FCHSD2: variants seen among roughly 807,000 people sequenced by gnomAD.
FCHSD2 encodes the protein FCH and double SH3 domains 2.
Under a neutral mutation model 108.1 loss-of-function variants are expected in FCHSD2, and 38 were observed. The ratio of observed to expected loss-of-function variants is 0.35; its 90% confidence interval spans 0.27 to 0.46. The LOEUF (loss-of-function observed/expected upper bound fraction) is 0.46, where lower values mean the gene tolerates loss of function less well. FCHSD2 is among the 20% of genes least tolerant of loss of function. The pLI, the probability that FCHSD2 is intolerant of heterozygous loss-of-function variation, is 1.00. For missense variants in FCHSD2, 751 were observed against 897.8 expected (o/e 0.84, Z 2.09); for synonymous variants, 279 against 314.7 (o/e 0.89, Z 1.20).
intron 8 of FCHSD2, among the ~76,000 whole-genome samples, chr11:72,954,961 T>C (rs1298979820): frequency 6.6e-6 from 1 of 152,218 alleles, no homozygotes; most frequent in Non-Finnish European, 1.5e-5. Context: ...AAGTGCTTTT[T>C]CTACCCTCAC....
At chr11:72,856,488 T>A (rs192587919) in intron 13 of FCHSD2, among the ~76,000 whole-genome samples, 1 of 152,210 alleles carries the variant, frequency 6.6e-6, no homozygotes, top group Non-Finnish European at 1.5e-5. Flanking sequence ...TAAATATGTA[T>A]AAATATTATG....
intron 2 of FCHSD2, among the ~76,000 whole-genome samples, chr11:73,137,841 G>A (rs888514005): frequency 6.6e-6 from 1 of 152,212 alleles, no homozygotes; most frequent in South Asian, 2.1e-4. Flanking sequence ...GGCATGAAAC[G>A]GTAGTAACTA....
rs191732342 is a variant in FCHSD2, at chr11:72,944,935, C to G, written c.706-22985G>C. On this transcript the variant is annotated intron_variant, in intron 8 of 19. Transcript: ENST00000409418. ...CAAATGGAAGAACATTCCATGCTCACGGGTAGGAAGAATCAATATCGTGAA... is the reference window on the plus strand; with the variant it reads ...CAAATGGAAGAACATTCCATGCTCAGGGGTAGGAAGAATCAATATCGTGAA... 4.1e-3 allele frequency among the ~76,000 whole-genome samples: 622 copies of G among 152,160 alleles called. 5 individuals carry two copies. The highest frequency in any genetic ancestry group is 0.014 in the African/African-American group (597 of 41,528).
chr11:73,032,624 G>A (rs1858388483), intron 3 of FCHSD2, among the ~76,000 whole-genome samples: 2 of 151,226 alleles, frequency 1.3e-5, no homozygotes, highest in Admixed American at 1.3e-4. Context: ...AACTCAAGAA[G>A]TCACCATTTG....
chr11:72,928,821 A>G (rs1402025699), intron 8 of FCHSD2, among the ~76,000 whole-genome samples: 2 of 149,240 alleles, frequency 1.3e-5, no homozygotes, highest in East Asian at 3.9e-4. Flanking sequence ...TGCTGCACCC[A>G]GTAACTCGTC....
At chr11:73,018,891 T>C (rs1280513657) in intron 3 of FCHSD2, among the ~76,000 whole-genome samples, 1 of 152,196 alleles carries the variant, frequency 6.6e-6, no homozygotes, top group Non-Finnish European at 1.5e-5. Flanking sequence ...AGAAGTTTAT[T>C]CCATACCTAG....
chr11:73,141,917 A>G lies in FCHSD2; in HGVS notation c.-40T>C. 6.5e-7 allele frequency: 1 copy of G among 1,539,030 alleles called. No individual in the cohort carries two copies. The highest frequency in any genetic ancestry group is 8.7e-7 in the Non-Finnish European group (1 of 1,143,916). ...ATCAATCCTCCCCGACGGCAGCGTT[A>G]GCAAGGACCAGGAGGAGGAGGAGGG... On this transcript the variant is annotated 5_prime_UTR_variant, in exon 1 of 20. Transcript: ENST00000409418.
In FCHSD2 at chr11:72,867,968, A is replaced by C; in HGVS notation, c.1205T>G (p.Val402Gly). The change falls in exon 13 of 20, where the codon GTG (valine) becomes GGG (glycine). Residue 402 changes from valine (V) to glycine (G), a missense_variant. Val to Gly is a moderately radical substitution (Grantham distance 109, BLOSUM62 -3). Transcript: ENST00000409418. ...CATGGCACTCTTTAGCCATGTGTCC[A>C]CAGAAACACCAATCTGCTTTAGCAG... ...LDLLKQIGVSVDTWLKSAMNQ... is the reference protein window; with the variant it reads ...LDLLKQIGVSGDTWLKSAMNQ... The C allele has an allele frequency of 6.3e-7, 1 of 1,589,864 alleles. No individual in the cohort carries two copies.
chr11:72,860,803 G>A (rs1389998340), intron 13 of FCHSD2, among the ~76,000 whole-genome samples: 1 of 151,396 alleles, frequency 6.6e-6, no homozygotes, highest in Non-Finnish European at 1.5e-5. Context: ...GAGTGACAGA[G>A]CAAGACTCTG....
At chr11:72,986,965 T>C (rs1857323635) in intron 6 of FCHSD2, among the ~76,000 whole-genome samples, 1 of 152,226 alleles carries the variant, frequency 6.6e-6, no homozygotes, top group South Asian at 2.1e-4. Context: ...AACTACCATC[T>C]GATAGGCAAC....
chr11:72,967,057 G>A (rs899263656), intron 8 of FCHSD2, among the ~76,000 whole-genome samples: 5 of 152,032 alleles, frequency 3.3e-5, no homozygotes, highest in African/African-American at 9.7e-5. Context: ...AAAATTAGCC[G>A]GGCCTGGTGG....
chr11:73,033,165 G>C (rs766043735), intron 3 of FCHSD2, among the ~76,000 whole-genome samples: 12 of 151,886 alleles, frequency 7.9e-5, no homozygotes, highest in Non-Finnish European at 1.6e-4. Flanking sequence ...GCGGGCACCT[G>C]TAGTTCCAGC....
chr11:72,837,958 A>T lies in FCHSD2; in HGVS notation c.*833T>A, dbSNP rs1284154152. The T allele has an allele frequency of 6.6e-6, 1 of 152,236 alleles. No homozygotes were observed. The highest frequency in any genetic ancestry group is 1.5e-5 in the Non-Finnish European group (1 of 68,044). The allele number at this position is 152,236 out of a possible 1,614,324, so 9.4% of individuals were successfully genotyped here. A position where few individuals can be genotyped will look rare whatever the true frequency, so the allele number is the denominator to read the frequency against. ...GGATTCTAAGGATACTGGTAAGAAG[A>T]GTATATGCTGTAAAAATTAAGATGA... On this transcript the variant is annotated 3_prime_UTR_variant, in exon 20 of 20. Coordinates refer to ENST00000409418, the MANE Select transcript of FCHSD2 (RefSeq NM_014824.3).
At chr11:73,051,918 C>CCA (rs1239671820) in intron 3 of FCHSD2, among the ~76,000 whole-genome samples, 3 of 137,772 alleles carry the variant, frequency 2.2e-5, no homozygotes, top group African/African-American at 8.3e-5. Context: ...CACACACACC[C>CCA]CACACACACT....
chr11:72,912,505 C>A (rs1430123852), intron 9 of FCHSD2, among the ~76,000 whole-genome samples: 1 of 152,072 alleles, frequency 6.6e-6, no homozygotes, highest in Non-Finnish European at 1.5e-5. Flanking sequence ...CTTTTTAATG[C>A]GTTGTTGAAT....
intron 6 of FCHSD2, among the ~76,000 whole-genome samples, chr11:72,985,604 C>T (rs898384): frequency 0.042 from 6,435 of 152,194 alleles, 357 homozygotes; most frequent in African/African-American, 0.13. Flanking sequence ...ATTATTTCCA[C>T]CATTAAAAGT....
chr11:72,853,532 A>G (rs1186812593), intron 13 of FCHSD2, among the ~76,000 whole-genome samples: 1 of 152,146 alleles, frequency 6.6e-6, no homozygotes, highest in Non-Finnish European at 1.5e-5. Flanking sequence ...CTCCTGCCTC[A>G]GCCTCCCAAG....
At chr11:73,048,148 T>G (rs777231308) in intron 3 of FCHSD2, among the ~76,000 whole-genome samples, 4 of 152,030 alleles carry the variant, frequency 2.6e-5, no homozygotes, top group Admixed American at 6.6e-5. Flanking sequence ...CATATCAAAC[T>G]GCAAAAAGTA....
intron 8 of FCHSD2, among the ~76,000 whole-genome samples, chr11:72,937,388 T>C (rs369363765): frequency 1.3e-5 from 2 of 152,218 alleles, no homozygotes; most frequent in South Asian, 4.1e-4. Context: ...AGTATTGAAC[T>C]GACAGAAAGC....
Sources: allele counts gnomAD v4.1 joint callset (sites outside exome capture counted in the v4.1 genomes callset), GRCh38; gene constraint gnomAD v4.1.1; transcripts MANE v1.5; gene names NCBI Gene and HGNC (gene_info 2026-07-23, HGNC 2026-07-21).